VEGFD: variants seen among roughly 807,000 people sequenced by gnomAD.
VEGFD encodes the protein c-fos induced growth factor (vascular endothelial growth factor D).
Under a neutral mutation model 28.0 loss-of-function variants are expected in VEGFD, and 26 were observed. The ratio of observed to expected loss-of-function variants is 0.93; its 90% CI spans 0.68 to 1.29. VEGFD has a LOEUF of 1.29. VEGFD is among the 50% of genes most tolerant of loss of function. The pLI is 0.00. For synonymous variants in VEGFD, 93 were observed against 95.5 expected (o/e 0.97, Z 0.15); for missense variants, 294 against 273.4 (o/e 1.08, Z -0.53).
intron 1 of VEGFD, among the ~76,000 whole-genome samples, chrX:15,380,590 CTT>C (rs1201587939): frequency 8.9e-6 from 1 of 112,863 alleles, no homozygotes; most frequent in East Asian, 2.8e-4. Context: ...CCTGGTATTC[CTT>C]TGTTGCAATA....
intron 1 of VEGFD, among the ~76,000 whole-genome samples, chrX:15,379,459 G>A (rs913709351): frequency 8.9e-6 from 1 of 112,041 alleles, no homozygotes; most frequent in Non-Finnish European, 1.9e-5. Flanking sequence ...GTAGCAGGGG[G>A]CCTCAGGGTG....
rs1923653335 is a variant in VEGFD at position 15,383,941 on chromosome X, G to A, written c.6C>T (p.Tyr2=). ...AAACATTCACCACTACCCACTCTCT[G>A]TACATTTTGAATATTTCAATATCCA... M[Y]REWVVVNVFM... is the part of the protein sequence containing the mutation. Residue 2 remains tyrosine, a synonymous_variant, in exon 1 of 7, where the codon TAC becomes TAT. Transcript: ENST00000297904. 1.7e-6 allele frequency: 2 copies of A among 1,189,357 alleles called. No homozygotes were observed. The highest frequency in any genetic ancestry group is 1.7e-5 in the African/African-American group (1 of 57,336).
chrX:15,352,988 T>C, intron 5 of VEGFD, 80 bp downstream of exon 5: 1 of 459,122 alleles, frequency 2.2e-6, no homozygotes, highest in African/African-American at 2.4e-5. Flanking sequence ...TGTCTGGTCA[T>C]ACTAAGTACT....
intron 1 of VEGFD, among the ~76,000 whole-genome samples, chrX:15,382,566 C>T (rs1030878175): frequency 4.5e-5 from 5 of 111,710 alleles, no homozygotes; most frequent in Admixed American, 3.8e-4. Context: ...AAAAGCTGGA[C>T]AGTCGGAAAA....
chrX:15,365,995 AGTTTGTTTGTTT>A (rs569822664), intron 1 of VEGFD, among the ~76,000 whole-genome samples: 1 of 109,131 alleles, frequency 9.2e-6, no homozygotes, highest in Non-Finnish European at 1.9e-5. Context: ...TATTCTTCCT[AGTTTGTTTGTTT>A]GTTTGTTTGT....
At chrX:15,360,447 T>C (rs190789047) in intron 2 of VEGFD, among the ~76,000 whole-genome samples, 1,924 of 108,581 alleles carry the variant, frequency 0.018, 38 homozygotes, top group African/African-American at 0.062. Context: ...CAAGCGATTC[T>C]CCTGCCTCAG....
At chrX:15,377,752 T>C (rs1267201943) in intron 1 of VEGFD, among the ~76,000 whole-genome samples, 3 of 111,390 alleles carry the variant, frequency 2.7e-5, no homozygotes, top group Non-Finnish European at 5.6e-5. Flanking sequence ...GGCCAGAGAA[T>C]TTAAGTGCCA....
chrX:15,352,977 TTGTC>T, intron 5 of VEGFD, 87 bp downstream of exon 5: 2 of 385,448 alleles, frequency 5.2e-6, no homozygotes, highest in Non-Finnish European at 9.2e-6. Flanking sequence ...ATTTACAACA[TTGTC>T]TGGTCATACT....
At chrX:15,359,240 A>G (rs777163142) in intron 2 of VEGFD, among the ~76,000 whole-genome samples, 9 of 109,949 alleles carry the variant, frequency 8.2e-5, no homozygotes, top group African/African-American at 2.7e-4. Flanking sequence ...TACCACTTCC[A>G]TGATGAAGTT....
At chrX:15,368,052 A>AAG (rs746923586) in intron 1 of VEGFD, among the ~76,000 whole-genome samples, 5 of 100,487 alleles carry the variant, frequency 5.0e-5, no homozygotes, top group African/African-American at 1.1e-4. Context: ...GAAAGAAAGA[A>AAG]GAAAGAAAGG....
chrX:15,347,971 G>A (rs1922598086), intron 5 of VEGFD, among the ~76,000 whole-genome samples: 1 of 112,509 alleles, frequency 8.9e-6, no homozygotes, highest in African/African-American at 3.2e-5. Flanking sequence ...CTTCTAGAAG[G>A]TGTATAAAAC....
At chrX:15,374,786 C>CTTTT (rs558207454) in intron 1 of VEGFD, among the ~76,000 whole-genome samples, 1 of 98,219 alleles carries the variant, frequency 1.0e-5, no homozygotes, top group African/African-American at 3.8e-5. Flanking sequence ...TTTTTCTTTT[C>CTTTT]TTTTTTTTTT....
At chrX:15,357,456 C>G (rs1922894637) in intron 3 of VEGFD, among the ~76,000 whole-genome samples, 1 of 111,370 alleles carries the variant, frequency 9.0e-6, no homozygotes, top group African/African-American at 3.3e-5. Context: ...TCTCCGCTTT[C>G]CCTCTGGGTT....
intron 1 of VEGFD, among the ~76,000 whole-genome samples, chrX:15,373,670 T>A (rs1923366665): frequency 8.9e-6 from 1 of 111,802 alleles, no homozygotes; most frequent in African/African-American, 3.3e-5. Flanking sequence ...CTCTTCTTAC[T>A]CACCCTGGAG....
intron 1 of VEGFD, among the ~76,000 whole-genome samples, chrX:15,382,128 G>A (rs1056534750): frequency 9.0e-6 from 1 of 110,974 alleles, no homozygotes; most frequent in Admixed American, 9.6e-5. Flanking sequence ...AGACCATCCT[G>A]GCTAACACAG....
At chrX:15,379,001 C>G (rs12847558) in intron 1 of VEGFD, among the ~76,000 whole-genome samples, 6,308 of 110,981 alleles carry the variant, frequency 0.057, 189 homozygotes, top group South Asian at 0.13. Context: ...AGCCAACTTG[C>G]TGCGCCCACC....
intron 1 of VEGFD, among the ~76,000 whole-genome samples, chrX:15,380,867 A>C (rs1365380383): frequency 8.9e-6 from 1 of 112,763 alleles, no homozygotes; most frequent in Non-Finnish European, 1.9e-5. Flanking sequence ...AGAGTTGTGC[A>C]GTGCACATCG....
chrX:15,355,064 A>G (rs1922828738), intron 4 of VEGFD, 86 bp downstream of exon 4: 1 of 822,063 alleles, frequency 1.2e-6, no homozygotes, highest in Non-Finnish European at 1.7e-6. Context: ...TGATAACTCT[A>G]CATTAATGAA....
rs569822664 is a variant in VEGFD at position 15,365,995 on chromosome X, A to AGTTTGTTT, written c.91-2684_91-2677dup. On this transcript the variant is annotated intron_variant, in intron 1 of 6. Coordinates refer to ENST00000297904, the MANE Select transcript of VEGFD (RefSeq NM_004469.5). ...TGTTACATTTCTGTATATTCTTCCT[A>AGTTTGTTT]GTTTGTTTGTTTGTTTGTTTGTTTG... 6.9e-3 allele frequency among the ~76,000 whole-genome samples: 758 copies of AGTTTGTTT among 109,171 alleles called. 1 individual carries two copies. The highest frequency in any genetic ancestry group is 8.5e-3 in the Non-Finnish European group (446 of 52,450). 94.8% of individuals were successfully genotyped at this position (109,171 alleles called of 115,157 possible). A position where few individuals can be genotyped will look rare whatever the true frequency, so the allele number is the denominator to read the frequency against.
Sources: allele counts gnomAD v4.1 joint callset (sites outside exome capture counted in the v4.1 genomes callset), GRCh38; gene constraint gnomAD v4.1.1; transcripts MANE v1.5; gene names NCBI Gene and HGNC (gene_info 2026-07-23, HGNC 2026-07-21).